FREM1: variants seen among roughly 807,000 people sequenced by gnomAD.
The protein encoded by FREM1 is FRAS1 related extracellular matrix 1.
A neutral mutation model predicts 210.1 loss-of-function variants in FREM1; 220 were observed. The observed-to-expected ratio is 1.05, with a 90% CI of 0.94 to 1.17. The LOEUF is 1.17. FREM1 is among the 50% of genes most tolerant of loss of function. The pLI, the probability that FREM1 is intolerant of heterozygous loss-of-function variation, is 0.00. For missense variants in FREM1, 3,454 were observed against 2,675.5 expected, an observed-to-expected ratio of 1.29 and a Z score of -6.42; for synonymous variants, 1,189 against 980.2, an observed-to-expected ratio of 1.21 and a Z score of -3.98.
intron 19 of FREM1, among the ~76,000 whole-genome samples, chr9:14,803,067 T>TTC (rs149171753): frequency 2.1e-5 from 3 of 145,826 alleles, no homozygotes; most frequent in African/African-American, 7.7e-5. Flanking sequence ...TTTCTTTTCT[T>TTC]TCTTTCTCTT....
At position 14,747,386 on chromosome 9, in the gene FREM1, G is replaced by A; in HGVS notation, c.5887C>T (p.Pro1963Ser). Residue 1963 changes from proline (P) to serine (S), a missense_variant, in exon 33 of 37, where the codon CCA becomes TCA. Transcript: ENST00000380880. ...VSLKLEDDSF[P>S]THKRKAKVSI... Reference sequence around the variant, plus strand: ...ACTTTGGCCTTCCTTTTGTGAGTTGGGAAACTGTCATCCTCCAGTTTCAAG... The same window carrying A: ...ACTTTGGCCTTCCTTTTGTGAGTTGAGAAACTGTCATCCTCCAGTTTCAAG... 6.2e-7 allele frequency: 1 copy of A among 1,613,530 alleles called. No individual in the cohort carries two copies. Among genetic ancestry groups the A allele is most frequent in the Non-Finnish European group, 8.5e-7 (1 of 1,179,698 alleles).
At position 14,739,463 on chromosome 9, in the gene FREM1, T is replaced by TATATATATATATATATAATTC. The variant is rs58425457; in HGVS notation, c.6340+685_6340+686insGAATTATATATATATATATAT. ...TAATTATTTGGAATATATATATATA[T>TATATATATATATATATAATTC]ATATATATATATAATTCATATATAT... On this transcript the variant is annotated intron_variant, in intron 36 of 36. Transcript: ENST00000380880. Among the ~76,000 whole-genome samples, 484 of 138,224 alleles carry TATATATATATATATATAATTC rather than the reference T, an allele frequency of 3.5e-3. 4 individuals carry two copies. Among genetic ancestry groups the TATATATATATATATATAATTC allele is most frequent in the African/African-American group, 0.011 (399 of 37,520 alleles). 90.7% of individuals were successfully genotyped at this position (138,224 alleles called of 152,430 possible).
intron 30 of FREM1, among the ~76,000 whole-genome samples, chr9:14,749,314 G>C (rs1221065490): frequency 6.6e-6 from 1 of 152,154 alleles, no homozygotes; most frequent in Non-Finnish European, 1.5e-5. Flanking sequence ...AGGAAAGGTA[G>C]TGGGGAGAGA....
chr9:14,861,503 CTT>C (rs775845478), intron 3 of FREM1, among the ~76,000 whole-genome samples: 5,500 of 114,634 alleles, frequency 0.048, 90 homozygotes, highest in East Asian at 0.16. Flanking sequence ...AGCATTTATC[CTT>C]TTTTTTTTTT....
chr9:14,860,780 T>TACACATATATACATATATAC lies in FREM1; in HGVS notation c.330-1297_330-1296insGTATATATGTATATATGTGT, dbSNP rs372732430. ...ATATATGCACATATATACACATATA[T>TACACATATATACATATATAC]ACATATATACATATATACACATATA... On this transcript the variant is annotated intron_variant, in intron 3 of 36. Transcript: ENST00000380880. Among the ~76,000 whole-genome samples, 8 of 85,792 alleles carry TACACATATATACATATATAC rather than the reference T, an allele frequency of 9.3e-5. 1 individual carries two copies. Among genetic ancestry groups the TACACATATATACATATATAC allele is most frequent in the African/African-American group, 4.1e-4 (7 of 16,876 alleles). The allele number at this position is 85,792 out of a possible 152,430, so 56.3% of individuals were successfully genotyped here.
intron 1 of FREM1, among the ~76,000 whole-genome samples, chr9:14,898,368 T>C (rs866723272): frequency 5.9e-5 from 9 of 152,222 alleles, no homozygotes; most frequent in Admixed American, 1.3e-4. Context: ...TCCAGATCTA[T>C]TGAAGAAAAA....
At position 14,904,004 on chromosome 9, in the gene FREM1, C is replaced by T. The variant is rs1052510063; in HGVS notation, c.-268+5910G>A. On this transcript the variant is annotated intron_variant, in intron 1 of 36. Transcript: ENST00000380880. ...GGGCGTGGTGGCAGGCGCCTGTAGT[C>T]CCAGCTGCTTGGGAGGCTGAGGCAG... Among the ~76,000 whole-genome samples the T allele has an allele frequency of 3.3e-5, 5 of 151,168 alleles. No individual in the cohort carries two copies. In the South Asian group the frequency reaches 8.4e-4, roughly 26 times the overall value.
At chr9:14,748,768 T>C in intron 30 of FREM1, 129 bp from the exon 31 acceptor site, 1 of 646,400 alleles carries the variant, frequency 1.5e-6, no homozygotes, top group Non-Finnish European at 2.7e-6. Context: ...GATGTTGCCT[T>C]TTTGCCATTT....
Position 14,824,076 on chromosome 9 carries a change from T to A in FREM1, c.2118A>T (p.Ile706=). ...DAGKLFMVDS[I]PKVVKNPTAL... is the part of the protein sequence containing the mutation. The stretch of plus-strand genomic sequence containing the variant: ...CCGTAGGATTCTTAACTACTTTTGG[T>A]ATGCTGTCCACCATAAATAATTTCC... The change falls in exon 12 of 37, where the codon ATA becomes ATT. Residue 706 remains isoleucine (I), a synonymous_variant. Transcript: ENST00000380880. 1 of 1,591,292 alleles carries A rather than the reference T, an allele frequency of 6.3e-7. No individual in the cohort carries two copies. The highest frequency in any genetic ancestry group is 8.6e-7 in the Non-Finnish European group (1 of 1,167,562).
intron 20 of FREM1, 91 bp from the exon 21 acceptor site, chr9:14,797,733 G>T (rs966819516): frequency 1.8e-6 from 2 of 1,102,132 alleles, no homozygotes; most frequent in Non-Finnish European, 2.7e-6. Flanking sequence ...TCAAGGCAGG[G>T]GTATTAGCAA....
chr9:14,890,191 C>G (rs1400010596), intron 1 of FREM1, among the ~76,000 whole-genome samples: 1 of 152,176 alleles, frequency 6.6e-6, no homozygotes, highest in Non-Finnish European at 1.5e-5. Flanking sequence ...GCCAAGGCAC[C>G]CTATTTGGGG....
At chr9:14,831,741 G>A (rs1299288603) in intron 10 of FREM1, among the ~76,000 whole-genome samples, 3 of 152,206 alleles carry the variant, frequency 2.0e-5, no homozygotes, top group African/African-American at 7.2e-5. Flanking sequence ...TTTTTTGGAA[G>A]GCACACAGGC....
chr9:14,890,757 T>C (rs1836672213), intron 1 of FREM1, among the ~76,000 whole-genome samples: 2 of 152,176 alleles, frequency 1.3e-5, no homozygotes, highest in Non-Finnish European at 2.9e-5. Flanking sequence ...GGCCTTCTAC[T>C]AAAACTACCT....
chr9:14,796,348 T>A (rs1852379118), intron 21 of FREM1, among the ~76,000 whole-genome samples: 1 of 152,228 alleles, frequency 6.6e-6, no homozygotes, highest in African/African-American at 2.4e-5. Flanking sequence ...AAGAACCAGA[T>A]GCTTTTTTAC....
rs746243672 is a variant in FREM1, at chr9:14,848,725, T to C, written c.1201A>G (p.Thr401Ala). The C allele has an allele frequency of 3.1e-6, 5 of 1,613,312 alleles. No homozygotes were observed. The highest frequency in any genetic ancestry group is 2.2e-5 in the East Asian group (1 of 44,864). The change falls in exon 7 of 37, where the codon ACA becomes GCA. Residue 401 changes from threonine (T) to alanine (A), a missense_variant. Transcript: ENST00000380880. Reference protein sequence around the residue: ...DFFFERSAPMTVHISIRTADT... With the variant: ...DFFFERSAPMAVHISIRTADT... ...GCTGTTCTGATGGAGATGTGGACTG[T>C]CATAGGTGCACTCCTTTCAAAGAAG...
At chr9:14,823,922 T>C (rs756817500) in intron 12 of FREM1, 103 bp downstream of exon 12, 1 of 543,832 alleles carries the variant, frequency 1.8e-6, no homozygotes, top group South Asian at 4.3e-5. Flanking sequence ...CAAGTCTTTG[T>C]GGATGTCAAA....
chr9:14,792,891 A>G lies in FREM1; in HGVS notation c.3840-7T>C. ...CATTGCAATTTCAGCCTTCCTGTAA[A>G]AAGAAAAATGTCTGGGTTGATATAA... On this transcript the variant is annotated splice_region_variant and splice_polypyrimidine_tract_variant and intron_variant, in intron 21 of 36. Coordinates refer to ENST00000380880, the MANE Select transcript of FREM1 (RefSeq NM_001379081.2). 1.3e-6 allele frequency: 2 copies of G among 1,555,062 alleles called. No homozygotes were observed. The highest frequency in any genetic ancestry group is 2.3e-5 in the East Asian group (1 of 43,250).
At chr9:14,869,530 T>G (rs1373195438) in intron 1 of FREM1, among the ~76,000 whole-genome samples, 1 of 152,224 alleles carries the variant, frequency 6.6e-6, no homozygotes, top group South Asian at 2.1e-4. Flanking sequence ...CAGCCAGCCT[T>G]ATTGCCAACA....
intron 4 of FREM1, 151 bp downstream of exon 4, chr9:14,859,032 T>G (rs952971095): frequency 1.8e-6 from 1 of 554,620 alleles, no homozygotes; most frequent in East Asian, 3.0e-5. Context: ...TTTCTGATTG[T>G]AAAGTCTGTG....
Sources: gnomAD v4.1 joint callset for allele counts (sites outside exome capture counted in the v4.1 genomes callset) on GRCh38, gnomAD v4.1.1 for gene constraint, MANE v1.5 for transcripts, NCBI Gene and HGNC (gene_info 2026-07-23, HGNC 2026-07-21) for gene names.